SPATS2L: variants seen among roughly 807,000 people sequenced by gnomAD.
SPATS2L encodes spermatogenesis associated serine rich 2 like.
In SPATS2L, 30 loss-of-function variants were observed where a neutral mutation model predicts 59.6. The observed-to-expected ratio is 0.50, with a 90% CI of 0.38 to 0.68. SPATS2L has a LOEUF of 0.68. Among genes scored for constraint, SPATS2L ranks in the 30% least tolerant of loss-of-function variants. The pLI is 0.00. For missense variants in SPATS2L, 615 were observed against 700.0 expected (o/e 0.88, Z 1.37); for synonymous variants, 252 against 263.5 (o/e 0.96, Z 0.42).
At chr2:200,390,041 G>C (rs1347836186) in intron 3 of SPATS2L, 1 of 152,290 alleles carries the variant, frequency 6.6e-6, no homozygotes, top group Non-Finnish European at 1.5e-5. Context: ...GTATAGGCAA[G>C]TGGGAGAGCC....
chr2:200,341,814 C>G (rs907455476), intron 2 of SPATS2L, among the ~76,000 whole-genome samples: 2 of 151,718 alleles, frequency 1.3e-5, no homozygotes, highest in Non-Finnish European at 2.9e-5. Flanking sequence ...CTCAGCCTCC[C>G]GAGTAGCTGG....
At chr2:200,390,017 G>A (rs1372703722) in intron 3 of SPATS2L, 1 of 152,224 alleles carries the variant, frequency 6.6e-6, no homozygotes, top group Non-Finnish European at 1.5e-5. Flanking sequence ...CCTAGCACTG[G>A]TTTGCTAGTG....
intron 12 of SPATS2L, 115 bp downstream of exon 12, chr2:200,473,167 G>A (rs766646431): frequency 2.4e-5 from 24 of 1,016,742 alleles, no homozygotes; most frequent in African/African-American, 9.9e-5. Flanking sequence ...TCAGGCTCCC[G>A]CCACCTGCCC....
intron 2 of SPATS2L, among the ~76,000 whole-genome samples, chr2:200,350,302 T>A (rs2080677525): frequency 6.6e-6 from 1 of 152,170 alleles, no homozygotes; most frequent in Admixed American, 6.5e-5. Flanking sequence ...TCCTTCTTTC[T>A]GAATGGTTGT....
At chr2:200,418,701 GT>G (rs1361447899) in intron 5 of SPATS2L, among the ~76,000 whole-genome samples, 1 of 152,100 alleles carries the variant, frequency 6.6e-6, no homozygotes, top group Non-Finnish European at 1.5e-5. Context: ...TTGTTGACTG[GT>G]TTCTATTTCA....
chr2:200,473,126 C>CTA, intron 12 of SPATS2L, 74 bp downstream of exon 12: 1 of 1,391,110 alleles, frequency 7.2e-7, no homozygotes, highest in Non-Finnish European at 9.7e-7. Context: ...AAAACAGCAA[C>CTA]TACTAGATTC....
intron 3 of SPATS2L, among the ~76,000 whole-genome samples, chr2:200,408,195 T>C (rs1384607578): frequency 2.0e-5 from 3 of 152,126 alleles, no homozygotes; most frequent in African/African-American, 7.2e-5. Context: ...CAGACATATC[T>C]TGGAAAAGCC....
chr2:200,421,713 C>T (rs539253747), intron 6 of SPATS2L, among the ~76,000 whole-genome samples: 6 of 152,244 alleles, frequency 3.9e-5, no homozygotes, highest in Admixed American at 2.6e-4. Flanking sequence ...CTGAATTCTC[C>T]AGAAATTTTT....
intron 2 of SPATS2L, among the ~76,000 whole-genome samples, chr2:200,346,769 C>T (rs1356272345): frequency 6.6e-6 from 1 of 152,174 alleles, no homozygotes; most frequent in Non-Finnish European, 1.5e-5. Flanking sequence ...CTACCCTAAC[C>T]TGTAGAAGTC....
chr2:200,379,897 G>C (rs1208124060), intron 2 of SPATS2L, among the ~76,000 whole-genome samples: 1 of 152,102 alleles, frequency 6.6e-6, no homozygotes, highest in Non-Finnish European at 1.5e-5. Context: ...GAGTATAATT[G>C]AGTTGCTGAT....
At chr2:200,340,975 G>A (rs890530608) in intron 2 of SPATS2L, among the ~76,000 whole-genome samples, 3 of 152,174 alleles carry the variant, frequency 2.0e-5, no homozygotes, top group Admixed American at 2.0e-4. Flanking sequence ...CAATGTAACT[G>A]TTAAAGATAA....
In SPATS2L at chr2:200,385,268, AC is replaced by A. The variant is rs1461662674; in HGVS notation, c.-22-3953del. ...ACAGCATTAGAGGCTTCTTGGGCTT[AC>A]CTAGAAGTCTGCACCTTAGAGGGCT... On this transcript the variant is annotated intron_variant, in intron 2 of 12. Coordinates refer to ENST00000409140, the MANE Select transcript of SPATS2L (RefSeq NM_001100423.2). Among the ~76,000 whole-genome samples, 3 of 152,234 alleles carry A rather than the reference AC, an allele frequency of 2.0e-5. No individual in the cohort carries two copies. In the South Asian group the frequency reaches 6.2e-4, roughly 32 times the overall value.
chr2:200,477,053 C>G (rs2087581554), intron 12 of SPATS2L, among the ~76,000 whole-genome samples: 1 of 152,212 alleles, frequency 6.6e-6, no homozygotes. Context: ...CTCCTCTTCT[C>G]TGCTCTGTGC....
At chr2:200,426,539 G>A (rs1041884106) in intron 6 of SPATS2L, among the ~76,000 whole-genome samples, 1 of 151,896 alleles carries the variant, frequency 6.6e-6, no homozygotes, top group Non-Finnish European at 1.5e-5. Flanking sequence ...GACCAGGCTG[G>A]GCAACATTGT....
intron 6 of SPATS2L, among the ~76,000 whole-genome samples, chr2:200,424,196 A>G (rs1367337844): frequency 1.3e-5 from 2 of 152,086 alleles, no homozygotes; most frequent in Admixed American, 1.3e-4. Flanking sequence ...ATCAAGATTT[A>G]TTTTTGCCGA....
intron 3 of SPATS2L, among the ~76,000 whole-genome samples, chr2:200,404,593 G>A (rs2082633132): frequency 1.3e-5 from 2 of 152,112 alleles, no homozygotes; most frequent in Non-Finnish European, 2.9e-5. Context: ...TTATAAGGAG[G>A]GAGGAAGAGA....
At chr2:200,385,642 G>A (rs1405127710) in intron 2 of SPATS2L, among the ~76,000 whole-genome samples, 1 of 152,052 alleles carries the variant, frequency 6.6e-6, no homozygotes, top group Non-Finnish European at 1.5e-5. Context: ...AGTTTCCCCA[G>A]TGTTTGTCCT....
At chr2:200,377,877 C>G (rs982971988) in intron 2 of SPATS2L, 1 of 152,034 alleles carries the variant, frequency 6.6e-6, no homozygotes, top group Non-Finnish European at 1.5e-5. Flanking sequence ...CTGGTGTCGC[C>G]TGGAAGATAA....
chr2:200,351,064 A>T (rs1223137690), intron 2 of SPATS2L: 1 of 348,152 alleles, frequency 2.9e-6, no homozygotes, highest in Non-Finnish European at 5.8e-6. Context: ...TGTTATCACC[A>T]AAAGTTAACC....
Sources: gnomAD v4.1 joint callset for allele counts (sites outside exome capture counted in the v4.1 genomes callset) on GRCh38, gnomAD v4.1.1 for gene constraint, MANE v1.5 for transcripts, NCBI Gene and HGNC (gene_info 2026-07-23, HGNC 2026-07-21) for gene names.